The following SYNE1 variants were observed in gnomAD, a reference collection of about 807,000 sequenced individuals.
SYNE1 encodes the protein nesprin-1.
In SYNE1, 616 loss-of-function variants were observed where a neutral mutation model predicts 1,111.0. That is an observed-to-expected ratio of 0.55 (90% confidence interval 0.52 to 0.59). The LOEUF is 0.59. Ranked by LOEUF, SYNE1 falls within the 20% of genes least tolerant of loss-of-function variation. SYNE1 has a pLI of 0.00. For missense variants in SYNE1, 10,006 were observed against 10,417.0 expected (o/e 0.96, Z 1.72); for synonymous variants, 3,855 against 3,825.8 (o/e 1.01, Z -0.28).
chr6:152,463,005 A>T, intron 19 of SYNE1, 115 bp from the exon 20 acceptor site: 4 of 1,250,900 alleles, frequency 3.2e-6, no homozygotes, highest in Non-Finnish European at 4.6e-6. Context: ...GAAAGACTCT[A>T]ATCTTTGATT....
In SYNE1 at chr6:152,501,205, C is replaced by A. The variant is rs530301104; in HGVS notation, c.888+1428G>T. On this transcript the variant is annotated intron_variant, in intron 10 of 145. Transcript: ENST00000367255. The stretch of plus-strand genomic sequence containing the variant: ...AATTTAAAATTCCGCAGTGAATCCA[C>A]CTCTCTATGTAATTAAAAATAGAAT... 2.6e-4 allele frequency among the ~76,000 whole-genome samples: 40 copies of A among 151,990 alleles called. No individual in the cohort carries two copies. In the South Asian group the frequency reaches 8.1e-3, roughly 31 times the overall value.
At position 152,165,071 on chromosome 6, in the gene SYNE1, C is replaced by T. The variant is rs553627322; in HGVS notation, c.23628-746G>A. Among the ~76,000 whole-genome samples the T allele has an allele frequency of 3.2e-4, 38 of 117,696 alleles. No homozygotes were observed. The South Asian group carries it at 9.7e-3, about 30-fold the overall frequency. The allele number at this position is 117,696 out of a possible 152,430, so 77.2% of individuals were successfully genotyped here. A position where few individuals can be genotyped will look rare whatever the true frequency, so the allele number is the denominator to read the frequency against. ...TACACTTAGAGTCATCAGATATTCG[C>T]GCCCCCTCCCCCACCCCCACATTAC... is the stretch of plus-strand genomic sequence containing the variant. On this transcript the variant is annotated intron_variant, in intron 130 of 145. Transcript: ENST00000367255.
chr6:152,433,789 G>A lies in SYNE1; in HGVS notation c.4461+6C>T, dbSNP rs776194459. On this transcript the variant is annotated splice_donor_region_variant and intron_variant, in intron 34 of 145. Transcript: ENST00000367255. ...GGATTATAAATATAATGTGTGAGCA[G>A]GTCACCTTAATTTGGCTGATTTGCA... 2 of 1,613,618 alleles carry A rather than the reference G, an allele frequency of 1.2e-6. No homozygotes were observed. The highest frequency in any genetic ancestry group is 1.3e-5 in the African/African-American group (1 of 75,032).
intron 3 of SYNE1, among the ~76,000 whole-genome samples, chr6:152,611,467 C>A (rs1300587459): frequency 1.3e-5 from 2 of 152,138 alleles, no homozygotes; most frequent in Non-Finnish European, 2.9e-5. Context: ...TATATATGCA[C>A]CCAATACAGG....
intron 124 of SYNE1, among the ~76,000 whole-genome samples, chr6:152,209,660 G>A (rs2077159927): frequency 6.6e-6 from 1 of 151,740 alleles, no homozygotes; most frequent in Non-Finnish European, 1.5e-5. Context: ...TGAGACAGGA[G>A]AATCACTTGA....
chr6:152,505,414 C>T lies in SYNE1; in HGVS notation c.582-17G>A. Reference sequence around the variant, plus strand: ...CCAGTCTGCCTTTGTGTTATAAAAACATAAAATGATGTCACATTCTGAATA... The same window carrying T: ...CCAGTCTGCCTTTGTGTTATAAAAATATAAAATGATGTCACATTCTGAATA... On this transcript the variant is annotated splice_polypyrimidine_tract_variant and intron_variant, in intron 8 of 145. Coordinates refer to ENST00000367255, the MANE Select transcript of SYNE1 (RefSeq NM_182961.4). 1.9e-6 allele frequency: 3 copies of T among 1,613,086 alleles called. No individual in the cohort carries two copies. Among genetic ancestry groups the T allele is most frequent in the Non-Finnish European group, 2.5e-6 (3 of 1,179,724 alleles).
At chr6:152,358,610 T>C (rs1057209621) in intron 65 of SYNE1, 73 bp from the exon 66 acceptor site, 5 of 1,498,616 alleles carry the variant, frequency 3.3e-6, no homozygotes, top group Middle Eastern at 1.7e-4. Flanking sequence ...TGTAATTCAC[T>C]TTTGTAATTT....
intron 4 of SYNE1, among the ~76,000 whole-genome samples, chr6:152,538,240 G>A (rs111477829): frequency 3.7e-4 from 57 of 152,210 alleles, no homozygotes; most frequent in Middle Eastern, 3.4e-3. Context: ...TTCAAACAAC[G>A]TATACCAGGA....
At chr6:152,452,651 C>T (rs1004615055) in intron 25 of SYNE1, among the ~76,000 whole-genome samples, 2 of 152,184 alleles carry the variant, frequency 1.3e-5, no homozygotes, top group Admixed American at 1.3e-4. Flanking sequence ...CAAGGTAGTA[C>T]ACACTCACCT....
intron 52 of SYNE1, 28 bp from the exon 53 acceptor site, chr6:152,390,480 G>A: frequency 6.2e-7 from 1 of 1,612,096 alleles, no homozygotes; most frequent in Non-Finnish European, 8.5e-7. Context: ...ATACTCATCA[G>A]TAGGCATGTA....
At chr6:152,565,147 G>A (rs1452018831) in intron 3 of SYNE1, among the ~76,000 whole-genome samples, 3 of 152,140 alleles carry the variant, frequency 2.0e-5, no homozygotes, top group African/African-American at 7.2e-5. Flanking sequence ...CTAGAAGCCA[G>A]GAGAAACCTG....
intron 8 of SYNE1, among the ~76,000 whole-genome samples, chr6:152,509,175 A>C (rs2099072530): frequency 6.6e-6 from 1 of 152,076 alleles, no homozygotes; most frequent in South Asian, 2.1e-4. Context: ...TACTTATATA[A>C]TCAACTGAAA....
At position 152,301,851 on chromosome 6, in the gene SYNE1, G is replaced by C; in HGVS notation, c.17541+18C>G. ...TCCAGTCAAAGAGCAAAGCCGCGGGGACCCACTGGATCCTTACCATGACCA... is the reference window on the plus strand; with the variant it reads ...TCCAGTCAAAGAGCAAAGCCGCGGGCACCCACTGGATCCTTACCATGACCA... On this transcript the variant is annotated intron_variant, in intron 92 of 145. Transcript: ENST00000367255. 1 of 1,595,290 alleles carries C rather than the reference G, an allele frequency of 6.3e-7. No homozygotes were observed. The highest frequency in any genetic ancestry group is 8.6e-7 in the Non-Finnish European group (1 of 1,168,082).
At chr6:152,301,694 T>C (rs1487870141) in intron 92 of SYNE1, among the ~76,000 whole-genome samples, 175 bp downstream of exon 92, 5 of 152,206 alleles carry the variant, frequency 3.3e-5, no homozygotes, top group Non-Finnish European at 7.3e-5. Flanking sequence ...TTGTTTACAG[T>C]GTCAAAGATT....
intron 86 of SYNE1, among the ~76,000 whole-genome samples, chr6:152,317,241 T>C (rs1282200805): frequency 2.6e-5 from 4 of 151,026 alleles, no homozygotes; most frequent in African/African-American, 4.9e-5. Context: ...TTTCTTTTTT[T>C]TTTTTTTCCA....
intron 6 of SYNE1, among the ~76,000 whole-genome samples, chr6:152,519,047 C>T (rs1034425632): frequency 6.6e-6 from 1 of 151,734 alleles, no homozygotes; most frequent in Non-Finnish European, 1.5e-5. Context: ...AAATGACAAG[C>T]TAATGGGTGC....
At chr6:152,305,746 C>T (rs1247951621) in intron 91 of SYNE1, among the ~76,000 whole-genome samples, 1 of 152,244 alleles carries the variant, frequency 6.6e-6, no homozygotes, top group East Asian at 1.9e-4. Context: ...TTTCTCCACT[C>T]AGCACTTTCC....
At chr6:152,232,032 G>A (rs908003312) in intron 113 of SYNE1, 84 bp downstream of exon 113, 1 of 1,059,052 alleles carries the variant, frequency 9.4e-7, no homozygotes, top group Non-Finnish European at 1.4e-6. Flanking sequence ...TCCAAGACTT[G>A]ATTACCATAA....
In SYNE1 at chr6:152,344,134, C is replaced by A. The variant is rs867555155; in HGVS notation, c.12172G>T (p.Asp4058Tyr). The part of the protein sequence containing the change: ...CQAWLSAVQP[D>Y]LEPSPQPPLS... ...GGTGGTTGAGGACTTGGCTCTAAAT[C>A]CGGCTGGACTGCAGAAAGCCAGGCC... Residue 4058 changes from aspartate to tyrosine, a missense_variant, in exon 74 of 146, where the codon GAT (aspartate) becomes TAT (tyrosine). By Grantham distance (160) the Asp-to-Tyr change is radical. Coordinates refer to ENST00000367255, the MANE Select transcript of SYNE1 (RefSeq NM_182961.4). The A allele has an allele frequency of 1.2e-6, 2 of 1,614,110 alleles. No individual in the cohort carries two copies. The highest frequency in any genetic ancestry group is 3.3e-5 in the Admixed American group (2 of 60,014).
Sources: gnomAD v4.1 joint callset for allele counts (sites outside exome capture counted in the v4.1 genomes callset) on GRCh38, gnomAD v4.1.1 for gene constraint, MANE v1.5 for transcripts, NCBI Gene and HGNC (gene_info 2026-07-23, HGNC 2026-07-21) for gene names.